OTOA: variants seen among roughly 807,000 people sequenced by gnomAD.
OTOA encodes otoancorin.
Under a neutral mutation model 110.8 loss-of-function variants are expected in OTOA, and 70 were observed. The ratio of observed to expected loss-of-function variants is 0.63; its 90% CI spans 0.52 to 0.77. The LOEUF (loss-of-function observed/expected upper bound fraction) is 0.77. Ranked by LOEUF, OTOA falls within the 30% of genes least tolerant of loss-of-function variation. The pLI is 0.00. For missense variants in OTOA, 917 were observed against 1,075.8 expected, an observed-to-expected ratio of 0.85 and a Z score of 2.06; for synonymous variants, 373 against 431.5, an observed-to-expected ratio of 0.86 and a Z score of 1.68.
chr16:21,756,836 T>C (rs1445291804), intron 27 of OTOA, among the ~76,000 whole-genome samples: 1 of 149,746 alleles, frequency 6.7e-6, no homozygotes, highest in East Asian at 2.0e-4. Flanking sequence ...TCCTATTTAA[T>C]GCTTGCTTAT....
At position 21,679,120 on chromosome 16, in the gene OTOA, G is replaced by A. The variant is rs1234281684; in HGVS notation, c.151+54G>A. ...TTCTTCTAAGAATTTCAAACAGAAT[G>A]TAGCTGTGATCTCTCTGGAATGATT... On this transcript the variant is annotated intron_variant, in intron 4 of 28. Transcript: ENST00000646100. 3.1e-6 allele frequency: 5 copies of A among 1,612,948 alleles called. No individual in the cohort carries two copies. In the Admixed American group the frequency reaches 6.7e-5, roughly 22 times the overall value.
At position 21,697,863 on chromosome 16, in the gene OTOA, T is replaced by G. The variant is rs376097378; in HGVS notation, c.828T>G (p.Ile276Met). The G allele has an allele frequency of 2.5e-6, 4 of 1,613,502 alleles. No homozygotes were observed. The African/African-American group carries it at 4.0e-5, about 16-fold the overall frequency. Residue 276 changes from isoleucine to methionine, a missense_variant, in exon 10 of 29, where the codon ATT becomes ATG. Transcript: ENST00000646100. ...TATCGTTTGAAGAAATTACGAAAAT[T>G]AGTCCTATAGAAGTAAGTTGGAAAA... ...VHLSFEEITK[I>M]SPIEIGLFIS...
chr16:21,727,220 T>C (rs1898951164), intron 19 of OTOA: 1 of 161,610 alleles, frequency 6.2e-6, no homozygotes, highest in African/African-American at 2.4e-5. Flanking sequence ...TTTCACCATG[T>C]TGGCCAGGAT....
chr16:21,696,737 T>C (rs1897948114), intron 9 of OTOA, among the ~76,000 whole-genome samples: 1 of 151,876 alleles, frequency 6.6e-6, no homozygotes, highest in African/African-American at 2.4e-5. Flanking sequence ...TTTGTATTTT[T>C]AGTAGAGACG....
intron 22 of OTOA, among the ~76,000 whole-genome samples, chr16:21,738,441 G>A (rs1191455662): frequency 8.5e-6 from 1 of 117,176 alleles, no homozygotes; most frequent in African/African-American, 2.8e-5. Context: ...GCATTATCTT[G>A]TTCTCCCGTT....
intron 12 of OTOA, among the ~76,000 whole-genome samples, chr16:21,707,586 T>C (rs1243626509): frequency 4.7e-5 from 6 of 126,510 alleles, no homozygotes; most frequent in Admixed American, 4.3e-4. Context: ...ACCTTCCTTC[T>C]CCTTCCTTTT....
intron 14 of OTOA, 128 bp from the exon 15 acceptor site, chr16:21,716,779 A>C (rs191530356): frequency 6.7e-6 from 7 of 1,052,406 alleles, no homozygotes; most frequent in East Asian, 4.8e-5. Context: ...GGATGATGCT[A>C]CTCTCCACTT....
chr16:21,699,052 T>C (rs1039042795), intron 10 of OTOA, among the ~76,000 whole-genome samples: 6 of 152,116 alleles, frequency 3.9e-5, no homozygotes, highest in African/African-American at 9.7e-5. Flanking sequence ...CCAGATTCAA[T>C]TGATTCTCCT....
At chr16:21,668,323 T>C (rs1966844635) in intron 1 of OTOA, among the ~76,000 whole-genome samples, 1 of 152,180 alleles carries the variant, frequency 6.6e-6, no homozygotes, top group East Asian at 1.9e-4. Context: ...TTGCCCAGGC[T>C]GGTCTCAAAC....
intron 2 of OTOA, 38 bp from the exon 3 acceptor site, chr16:21,678,877 A>G (rs1966868927): frequency 1.2e-6 from 2 of 1,608,878 alleles, no homozygotes; most frequent in African/African-American, 2.7e-5. Context: ...AGGTCACACA[A>G]TTCAATTCTA....
chr16:21,687,327 C>T, intron 7 of OTOA, 86 bp from the exon 8 acceptor site: 1 of 1,051,880 alleles, frequency 9.5e-7, no homozygotes, highest in East Asian at 2.4e-5. Flanking sequence ...CTGACTTTCC[C>T]CACTGTTGCA....
rs768843963 is a variant in OTOA at position 21,697,842 on chromosome 16, G to C, written c.807G>C (p.Ser269=). 1.2e-6 allele frequency: 2 copies of C among 1,613,998 alleles called. No individual in the cohort carries two copies. Among genetic ancestry groups the C allele is most frequent in the Admixed American group, 1.7e-5 (1 of 59,998 alleles). Reference sequence around the variant, plus strand: ...TGGGCAGATACATGGTTCACCTATCGTTTGAAGAAATTACGAAAATTAGTC... The same window carrying C: ...TGGGCAGATACATGGTTCACCTATCCTTTGAAGAAATTACGAAAATTAGTC... ...WVLGRYMVHL[S]FEEITKISPI... The change falls in exon 10 of 29, where the codon TCG becomes TCC. Residue 269 remains serine, a synonymous_variant. Coordinates refer to ENST00000646100, the MANE Select transcript of OTOA (RefSeq NM_144672.4).
At chr16:21,721,479 G>A (rs1476207049) in intron 17 of OTOA, 4 of 455,966 alleles carry the variant, frequency 8.8e-6, no homozygotes, top group Non-Finnish European at 1.8e-5. Flanking sequence ...GCGTAGGACA[G>A]CACCACTACA....
rs1462347773 is a variant in OTOA at position 21,719,176 on chromosome 16, C to T, written c.1673C>T (p.Pro558Leu). The change falls in exon 16 of 29, where the codon CCT becomes CTT. Residue 558 changes from proline (P) to leucine (L), a missense_variant. By Grantham distance (98) the Pro-to-Leu change is moderately conservative. Coordinates refer to ENST00000646100, the MANE Select transcript of OTOA (RefSeq NM_144672.4). The stretch of plus-strand genomic sequence containing the variant: ...CTTCTGTTAAAGACCACCAGAAGGC[C>T]TGAGGAGCTTTTGAGGTAGGAAAAT... ...YELLLKTTRRPEELLSAGQLV... is the reference protein window; with the variant it reads ...YELLLKTTRRLEELLSAGQLV... 2 of 1,614,080 alleles carry T rather than the reference C, an allele frequency of 1.2e-6. No homozygotes were observed. Among genetic ancestry groups the T allele is most frequent in the Non-Finnish European group, 1.7e-6 (2 of 1,180,032 alleles).
At chr16:21,707,647 T>TTCTTTCTTTCTTTC (rs1898222822) in intron 12 of OTOA, among the ~76,000 whole-genome samples, 1 of 114,362 alleles carries the variant, frequency 8.7e-6, no homozygotes, top group Admixed American at 9.6e-5. Context: ...CTTTCTTTCT[T>TTCTTTCTTTCTTTC]TCTTTCTTTC....
chr16:21,697,995 C>A, intron 10 of OTOA, 120 bp downstream of exon 10: 1 of 846,922 alleles, frequency 1.2e-6, no homozygotes, highest in East Asian at 2.6e-5. Context: ...GTACCCTCCT[C>A]AGCCCAATAG....
At chr16:21,724,875 C>G (rs1567392529) in intron 18 of OTOA, among the ~76,000 whole-genome samples, 2 of 151,992 alleles carry the variant, frequency 1.3e-5, no homozygotes, top group Non-Finnish European at 2.9e-5. Flanking sequence ...CACCTGGGTT[C>G]AAGAGATTCT....
In OTOA at chr16:21,720,896, C is replaced by CATTATT. The variant is rs57835405; in HGVS notation, c.1806+1413_1806+1418dup. On this transcript the variant is annotated intron_variant, in intron 17 of 28. Coordinates refer to ENST00000646100, the MANE Select transcript of OTOA (RefSeq NM_144672.4). ...TCTCGTTTATATTTTTACTAAAACA[C>CATTATT]ATTATTATTATTATTATTATTATTA... Among the ~76,000 whole-genome samples the CATTATT allele has an allele frequency of 4.9e-3, 726 of 147,196 alleles. 5 individuals carry two copies. Among genetic ancestry groups the CATTATT allele is most frequent in the South Asian group, 0.016 (77 of 4,668 alleles).
At position 21,679,192 on chromosome 16, in the gene OTOA, G is replaced by C; in HGVS notation, c.160G>C (p.Asp54His). The C allele has an allele frequency of 6.2e-7, 1 of 1,613,704 alleles. No individual in the cohort carries two copies. Among genetic ancestry groups the C allele is most frequent in the South Asian group, 1.1e-5 (1 of 91,082 alleles). ...TTTTACTCCCATTGTAGCACTGCTG[G>C]ATCTCATACAGTTTCAAAGGTAAAA... Reference protein sequence around the residue: ...IDGSYLNALLDLIQFQSSHVW... With the variant: ...IDGSYLNALLHLIQFQSSHVW... The change falls in exon 5 of 29, where the codon GAT (aspartate) becomes CAT (histidine). Residue 54 changes from aspartate (D) to histidine (H), a missense_variant. By Grantham distance (81) the Asp-to-His change is moderately conservative. Around this residue, in one of 6 missense-constraint regions of OTOA, gnomAD observed 840 missense variants for 910.2 expected, o/e 0.92. Coordinates refer to ENST00000646100, the MANE Select transcript of OTOA (RefSeq NM_144672.4).
Sources: allele counts gnomAD v4.1 joint callset (sites outside exome capture counted in the v4.1 genomes callset), GRCh38; gene constraint gnomAD v4.1.1; regional missense constraint gnomAD v4.1.1; transcripts MANE v1.5; gene names NCBI Gene and HGNC (gene_info 2026-07-23, HGNC 2026-07-21).